The following USP39 variants were observed in gnomAD, a reference collection of about 807,000 sequenced individuals.
USP39 encodes the protein ubiquitin carboxyl-terminal hydrolase 39.
Under a neutral mutation model 66.4 loss-of-function variants are expected in USP39, and 38 were observed. The observed-to-expected ratio is 0.57, with a 90% CI of 0.44 to 0.75. The LOEUF (loss-of-function observed/expected upper bound fraction) is 0.75, where lower values mean the gene tolerates loss of function less well. Among genes scored for constraint, USP39 ranks in the 30% least tolerant of loss-of-function variants. The pLI, the probability that USP39 is intolerant of heterozygous loss-of-function variation, is 0.00. For missense variants in USP39, 608 were observed against 714.4 expected, an observed-to-expected ratio of 0.85 and a Z score of 1.70; for synonymous variants, 303 against 274.6, an observed-to-expected ratio of 1.10 and a Z score of -1.02.
upstream of USP39, among the ~76,000 whole-genome samples, chr2:85,614,229 A>C (rs1673761565): frequency 6.6e-6 from 1 of 152,104 alleles, no homozygotes; most frequent in African/African-American, 2.4e-5. Flanking sequence ...TAAGAAAGTA[A>C]AGTAGCCAGG....
Position 85,639,454 on chromosome 2 carries a change from CTTTTTT to C in USP39, c.1284+74_1284+79del, listed in dbSNP as rs10660019. 3.9e-5 allele frequency: 46 copies of C among 1,178,154 alleles called. No individual in the cohort carries two copies. The East Asian group carries it at 1.2e-3, about 32-fold the overall frequency. 73.0% of individuals were successfully genotyped at this position (1,178,154 alleles called of 1,614,324 possible). A position where few individuals can be genotyped will look rare whatever the true frequency, so the allele number is the denominator to read the frequency against. Reference sequence around the variant, plus strand: ...CTCGCTCTCTCGACTTTTTCATTTTCTTTTTTTTTTTTTTTTCAAGACAGAGTTTTG... The same window carrying C: ...CTCGCTCTCTCGACTTTTTCATTTTCTTTTTTTTTTCAAGACAGAGTTTTG... On this transcript the variant is annotated intron_variant, in intron 9 of 12. Transcript: ENST00000323701.
At chr2:85,625,863 C>A (rs955755193) in intron 5 of USP39, among the ~76,000 whole-genome samples, 172 bp downstream of exon 5, 2 of 151,598 alleles carry the variant, frequency 1.3e-5, no homozygotes, top group African/African-American at 4.8e-5. Flanking sequence ...ACTAAAAATA[C>A]AAAAATTAGC....
At chr2:85,618,455 G>A (rs1424874046) in intron 1 of USP39, among the ~76,000 whole-genome samples, 10 of 151,420 alleles carry the variant, frequency 6.6e-5, no homozygotes, top group East Asian at 2.0e-4. Flanking sequence ...CCAGCTACTC[G>A]GGAGGCTGAG....
chr2:85,608,370 C>T (rs1673293919), upstream of USP39: 1 of 151,990 alleles, frequency 6.6e-6, no homozygotes, highest in Non-Finnish European at 1.5e-5. Context: ...GGTAGATCCC[C>T]AGGCCCCGCC....
chr2:85,628,573 T>C (rs1001198995), intron 5 of USP39, among the ~76,000 whole-genome samples: 2 of 152,186 alleles, frequency 1.3e-5, no homozygotes, highest in Non-Finnish European at 2.9e-5. Flanking sequence ...TAACAAACCC[T>C]GTGTGATGAT....
At chr2:85,610,703 G>A (rs1339247044), upstream of USP39, 2 of 151,430 alleles carry the variant, frequency 1.3e-5, no homozygotes, top group Non-Finnish European at 2.9e-5. Context: ...CAGATCACCT[G>A]AGCTCAGGAG....
At chr2:85,614,979 AGTGTGGTGTGGTGTGGTGTGGTGTG>A (rs146502279), upstream of USP39, among the ~76,000 whole-genome samples, 123 of 145,066 alleles carry the variant, frequency 8.5e-4, no homozygotes, top group Middle Eastern at 3.5e-3. Context: ...AATTGCACAC[AGTGTGGTGTGGTGTGGTGTGGTGTG>A]GTGTGGTGTG....
chr2:85,609,152 C>T (rs1217186401), upstream of USP39: 4 of 1,535,714 alleles, frequency 2.6e-6, no homozygotes, highest in East Asian at 6.9e-5. Context: ...TCTCACAGAA[C>T]TCCATTTAGC....
At chr2:85,625,808 C>A in intron 5 of USP39, 117 bp downstream of exon 5, 1 of 1,339,998 alleles carries the variant, frequency 7.5e-7, no homozygotes, top group Non-Finnish European at 1.0e-6. Flanking sequence ...TGCCTGAGGT[C>A]AAGAGTTTGA....
chr2:85,616,845 A>C (rs892032391), intron 1 of USP39, among the ~76,000 whole-genome samples: 4 of 151,168 alleles, frequency 2.6e-5, no homozygotes, highest in South Asian at 2.1e-4. Context: ...TCCCGCCACC[A>C]CGCCCGGCTA....
At chr2:85,610,729 G>C (rs1244654002), upstream of USP39, 1 of 151,324 alleles carries the variant, frequency 6.6e-6, no homozygotes, top group Non-Finnish European at 1.5e-5. Context: ...GATCAGCCTG[G>C]ACAACGTGGA....
chr2:85,622,902 T>C (rs1039100995), intron 3 of USP39, among the ~76,000 whole-genome samples: 30 of 152,294 alleles, frequency 2.0e-4, no homozygotes, highest in African/African-American at 7.2e-4. Flanking sequence ...AACTGTATTC[T>C]TTGCTCTCGT....
At chr2:85,619,433 C>T (rs1161142861) in intron 2 of USP39, 144 bp downstream of exon 2, 3 of 777,230 alleles carry the variant, frequency 3.9e-6, no homozygotes, top group East Asian at 2.7e-5. Flanking sequence ...CCATGTTACT[C>T]CTTATTCTTT....
chr2:85,611,612 G>A (rs1057965), upstream of USP39: 3 of 1,557,894 alleles, frequency 1.9e-6, no homozygotes, highest in Non-Finnish European at 2.6e-6. Flanking sequence ...TAGAGAAGGG[G>A]AGTGCGTTGC....
chr2:85,629,417 A>G (rs1675142752), intron 5 of USP39, among the ~76,000 whole-genome samples: 1 of 151,898 alleles, frequency 6.6e-6, no homozygotes, highest in South Asian at 2.1e-4. Context: ...CCTGAAATTA[A>G]TACGGCTAGT....
intron 1 of USP39, among the ~76,000 whole-genome samples, chr2:85,603,961 T>C (rs1252089844): frequency 1.3e-5 from 2 of 152,146 alleles, no homozygotes; most frequent in Non-Finnish European, 2.9e-5. Context: ...TGGCATTCTG[T>C]CTCAAAGGCG....
In USP39 at chr2:85,616,608, C is replaced by T. The variant is rs188502939; in HGVS notation, c.268+145C>T. On this transcript the variant is annotated intron_variant, in intron 1 of 12. Coordinates refer to ENST00000323701, the MANE Select transcript of USP39 (RefSeq NM_006590.4). ...GAGAAGAGGAGGGATCCAGACTCGA[C>T]GATTCTGCTGTTCGACTTGTTCTGA... is the stretch of plus-strand genomic sequence containing the variant. The T allele has an allele frequency of 6.2e-3, 8,116 of 1,312,426 alleles. 41 individuals carry two copies. The highest frequency in any genetic ancestry group is 7.1e-3 in the Non-Finnish European group (7,086 of 1,004,424). 81.3% of individuals were successfully genotyped at this position (1,312,426 alleles called of 1,614,324 possible). A position where few individuals can be genotyped will look rare whatever the true frequency, so the allele number is the denominator to read the frequency against.
At position 85,616,226 on chromosome 2, in the gene USP39, G is replaced by T. The variant is rs755706376; in HGVS notation, c.31G>T (p.Gly11Cys). The change falls in exon 1 of 13, where the codon GGT becomes TGT. Residue 11 changes from glycine (G) to cysteine (C), a missense_variant. Gly to Cys is a radical substitution (Grantham distance 159). Coordinates refer to ENST00000323701, the MANE Select transcript of USP39 (RefSeq NM_006590.4). ...CGGCCGGTCTAAGCGGGAGTCTCGCGGTTCCACTCGCGGGAAGCGAGAGTC... is the reference window on the plus strand; with the variant it reads ...CGGCCGGTCTAAGCGGGAGTCTCGCTGTTCCACTCGCGGGAAGCGAGAGTC... MSGRSKRESR[G>C]STRGKRESES... 4.0e-6 allele frequency: 6 copies of T among 1,484,966 alleles called. No homozygotes were observed. Among genetic ancestry groups the T allele is most frequent in the Admixed American group, 4.7e-5 (2 of 42,948 alleles). 92.0% of individuals were successfully genotyped at this position (1,484,966 alleles called of 1,614,324 possible).
chr2:85,637,219 T>C (rs1675842738), intron 7 of USP39, 150 bp from the exon 8 acceptor site: 2 of 711,440 alleles, frequency 2.8e-6, no homozygotes, highest in African/African-American at 1.8e-5. Context: ...TGGTGGTATA[T>C]AGTACAAAAG....
Sources: gnomAD v4.1 joint callset for allele counts (sites outside exome capture counted in the v4.1 genomes callset) on GRCh38, gnomAD v4.1.1 for gene constraint, MANE v1.5 for transcripts, NCBI Gene and HGNC (gene_info 2026-07-23, HGNC 2026-07-21) for gene names.